USP4: variants seen among roughly 807,000 people sequenced by gnomAD.
USP4 encodes ubiquitin specific peptidase 4, also known as ubiquitin carboxyl-terminal hydrolase 4.
Under a neutral mutation model 118.2 loss-of-function variants are expected in USP4, and 72 were observed. The observed-to-expected ratio is 0.61, with a 90% CI of 0.50 to 0.74. The LOEUF (loss-of-function observed/expected upper bound fraction) is 0.74. USP4 is among the 30% of genes least tolerant of loss of function. USP4 has a pLI of 0.00. For synonymous variants in USP4, 415 were observed against 440.4 expected (o/e 0.94, Z 0.72); for missense variants, 1,037 against 1,185.7 (o/e 0.87, Z 1.84).
At chr3:49,280,462 G>T (rs2047009017) in intron 20 of USP4, among the ~76,000 whole-genome samples, 1 of 151,622 alleles carries the variant, frequency 6.6e-6, no homozygotes, top group South Asian at 2.1e-4. Context: ...TCAGGAGGCT[G>T]AGGCAGGAGA....
intron 2 of USP4, among the ~76,000 whole-genome samples, chr3:49,331,118 CGA>C (rs1449474634): frequency 1.3e-5 from 2 of 150,568 alleles, no homozygotes; most frequent in African/African-American, 4.9e-5. Flanking sequence ...GTCGAGAGTT[CGA>C]GACCAGCCTG....
In USP4 at chr3:49,277,328, G is replaced by C; in HGVS notation, c.*965C>G. 1 of 1,015,006 alleles carries C rather than the reference G, an allele frequency of 9.9e-7. No homozygotes were observed. Among genetic ancestry groups the C allele is most frequent in the South Asian group, 1.4e-5 (1 of 69,638 alleles). 62.9% of individuals were successfully genotyped at this position (1,015,006 alleles called of 1,614,324 possible). ...CGGTTCCTTAAGGCCTTGCCCACAC[G>C]CAGCGGCTGGCCCCGCGGTGGGAGT... On this transcript the variant is annotated 3_prime_UTR_variant, in exon 22 of 22. Transcript: ENST00000265560.
chr3:49,279,206 A>G, intron 20 of USP4: 1 of 174,236 alleles, frequency 5.7e-6, no homozygotes, highest in South Asian at 1.6e-4. Context: ...GCTATGTGCA[A>G]TAATCCAAAA....
At chr3:49,339,819 C>G (rs566604893) in intron 1 of USP4, 105 bp downstream of exon 1, 2 of 859,170 alleles carry the variant, frequency 2.3e-6, no homozygotes, top group African/African-American at 3.4e-5. Flanking sequence ...CTTCCAGGGT[C>G]ACTACATACC....
At chr3:49,287,406 G>A (rs1575601711) in intron 15 of USP4, among the ~76,000 whole-genome samples, 1 of 152,078 alleles carries the variant, frequency 6.6e-6, no homozygotes, top group South Asian at 2.1e-4. Context: ...CGCCCGCCCC[G>A]GCTTCCCAAA....
At chr3:49,299,514 GC>G (rs1559469697) in intron 11 of USP4, among the ~76,000 whole-genome samples, 2 of 151,156 alleles carry the variant, frequency 1.3e-5, no homozygotes. Flanking sequence ...TGCCTCAGCT[GC>G]CCGAGTAGCT....
Position 49,339,975 on chromosome 3 carries a change from T to A in USP4, c.50A>T (p.Lys17Met), listed in dbSNP as rs1195169501. The A allele has an allele frequency of 6.2e-7, 1 of 1,612,692 alleles. No individual in the cohort carries two copies. Residue 17 changes from lysine (K) to methionine (M), a missense_variant, in exon 1 of 22, where the codon AAG (lysine) becomes ATG (methionine). By Grantham distance (95) the Lys-to-Met change is moderately conservative (BLOSUM62 -1). Coordinates refer to ENST00000265560, the MANE Select transcript of USP4 (RefSeq NM_003363.4). ...CCTCATTAAGGGTCCAAGCTCGGAC[T>A]TCTGAGTCTCCGCATCCGGTCGCTC... is the stretch of plus-strand genomic sequence containing the variant. ...CRERPDAETQ[K>M]SELGPLMRTT...
rs781268130 is a variant in USP4 at position 49,297,877 on chromosome 3, T to C, written c.1684A>G (p.Ile562Val). ...GLNHIMPRDD[I>V]FVYEVCSTSV... is the part of the protein sequence containing the mutation. ...AAACTGCTGAGTACTCACACGAAAATGTCATCCCGAGGCATGATGTGGTTT... is the reference window on the plus strand; with the variant it reads ...AAACTGCTGAGTACTCACACGAAAACGTCATCCCGAGGCATGATGTGGTTT... The change falls in exon 13 of 22, where the codon ATT (isoleucine) becomes GTT (valine). Residue 562 changes from isoleucine (I) to valine (V), a missense_variant. Ile to Val is a conservative substitution (Grantham distance 29, BLOSUM62 3). Around this residue, in one of 3 missense-constraint regions of USP4, gnomAD observed 522 missense variants for 592.6 expected, o/e 0.88. Transcript: ENST00000265560. 6.2e-7 allele frequency: 1 copy of C among 1,613,698 alleles called. No homozygotes were observed. Among genetic ancestry groups the C allele is most frequent in the East Asian group, 2.2e-5 (1 of 44,870 alleles).
chr3:49,315,253 C>T (rs909196560), intron 6 of USP4, among the ~76,000 whole-genome samples: 2 of 152,026 alleles, frequency 1.3e-5, no homozygotes, highest in Admixed American at 6.6e-5. Context: ...GAGGCTAAGC[C>T]GAGAGGATCC....
chr3:49,297,196 G>C (rs1368869157), intron 13 of USP4, among the ~76,000 whole-genome samples: 1 of 152,182 alleles, frequency 6.6e-6, no homozygotes, highest in East Asian at 1.9e-4. Context: ...TACTTCCTGG[G>C]CAAGTGGCTG....
At chr3:49,314,099 A>G (rs2047412340) in intron 6 of USP4, 2 of 152,240 alleles carry the variant, frequency 1.3e-5, no homozygotes, top group African/African-American at 4.8e-5. Context: ...ACAGAAAATG[A>G]CTAAGAAGAT....
intron 16 of USP4, 106 bp downstream of exon 16, chr3:49,285,992 G>A (rs1043409277): frequency 1.9e-5 from 20 of 1,042,908 alleles, no homozygotes; most frequent in Non-Finnish European, 1.4e-5. Context: ...GCTCCTGGAG[G>A]CACAGAGACT....
chr3:49,285,774 T>G (rs541936036), intron 16 of USP4, among the ~76,000 whole-genome samples: 8 of 152,200 alleles, frequency 5.3e-5, no homozygotes, highest in Non-Finnish European at 8.8e-5. Context: ...TATGCGCTTA[T>G]TCTTATAAGT....
intron 12 of USP4, among the ~76,000 whole-genome samples, chr3:49,298,181 C>T (rs1455181855): frequency 3.3e-5 from 5 of 152,214 alleles, no homozygotes; most frequent in Non-Finnish European, 5.9e-5. Context: ...CATCTGCCCT[C>T]GACTGGCAGG....
intron 4 of USP4, 62 bp downstream of exon 4, chr3:49,325,657 C>A: frequency 6.3e-7 from 1 of 1,589,164 alleles, no homozygotes; most frequent in South Asian, 1.1e-5. Flanking sequence ...TCTTCCCTCC[C>A]ATCAGCCACA....
Position 49,297,854 on chromosome 3 carries a change from A to G in USP4, c.1691+16T>C. On this transcript the variant is annotated intron_variant, in intron 13 of 21. Transcript: ENST00000265560. The stretch of plus-strand genomic sequence containing the variant: ...TCCTCTGACCTGACCTGCAGCAGAA[A>G]CTGCTGAGTACTCACACGAAAATGT... The G allele has an allele frequency of 6.3e-7, 1 of 1,597,318 alleles. No individual in the cohort carries two copies. Among genetic ancestry groups the G allele is most frequent in the Non-Finnish European group, 8.6e-7 (1 of 1,164,694 alleles).
intron 6 of USP4, among the ~76,000 whole-genome samples, chr3:49,324,075 T>C (rs2107798070): frequency 6.6e-6 from 1 of 152,248 alleles, no homozygotes; most frequent in South Asian, 2.1e-4. Flanking sequence ...CTCAGCTCAC[T>C]GCAGCCTTCA....
chr3:49,278,139 CTTCTT>C lies in USP4; in HGVS notation c.*149_*153del. 3 of 757,600 alleles carry C rather than the reference CTTCTT, an allele frequency of 4.0e-6. No individual in the cohort carries two copies. Among genetic ancestry groups the C allele is most frequent in the African/African-American group, 4.5e-5 (1 of 22,454 alleles). 46.9% of individuals were successfully genotyped at this position (757,600 alleles called of 1,614,324 possible). On this transcript the variant is annotated 3_prime_UTR_variant, in exon 22 of 22. Coordinates refer to ENST00000265560, the MANE Select transcript of USP4 (RefSeq NM_003363.4). ...ACATAGCTTCTTCTAGGTAAACGGTCTTCTTTTTTTTTTTTTGTTTCCTTCTGCTC... is the reference window on the plus strand; with the variant it reads ...ACATAGCTTCTTCTAGGTAAACGGTCTTTTTTTTTTTGTTTCCTTCTGCTC...
At chr3:49,339,521 A>C (rs1014397359) in intron 1 of USP4, among the ~76,000 whole-genome samples, 2 of 152,176 alleles carry the variant, frequency 1.3e-5, no homozygotes, top group Admixed American at 1.3e-4. Flanking sequence ...TTTTCCCCTC[A>C]ACCCACTGAG....
Sources: gnomAD v4.1 joint callset for allele counts (sites outside exome capture counted in the v4.1 genomes callset) on GRCh38, gnomAD v4.1.1 for gene constraint, gnomAD v4.1.1 regional missense constraint, MANE v1.5 for transcripts, NCBI Gene and HGNC (gene_info 2026-07-23, HGNC 2026-07-21) for gene names.